Variants in ATG13 observed in about 807,000 individuals in gnomAD.
ATG13 encodes the protein autophagy related 13.
A neutral mutation model predicts 65.5 loss-of-function variants in ATG13; 23 were observed. That is an observed-to-expected ratio of 0.35 (90% CI 0.25 to 0.50). The LOEUF is 0.50. Among genes scored for constraint, ATG13 ranks in the 20% least tolerant of loss-of-function variants. The probability of loss-of-function intolerance (pLI) is 0.98; values close to 1 mark genes in which losing one functional copy is unlikely to be tolerated. For missense variants in ATG13, 566 were observed against 677.0 expected (o/e 0.84, Z 1.82); for synonymous variants, 252 against 245.2 (o/e 1.03, Z -0.26).
At chr11:46,671,835 C>T (rs2063798661) in intron 18 of ATG13, among the ~76,000 whole-genome samples, 1 of 152,236 alleles carries the variant, frequency 6.6e-6, no homozygotes, top group Non-Finnish European at 1.5e-5. Flanking sequence ...ACCTGGTTCA[C>T]ATTCCCCCCA....
At chr11:46,645,632 A>C (rs2136291592) in intron 4 of ATG13, among the ~76,000 whole-genome samples, 1 of 152,340 alleles carries the variant, frequency 6.6e-6, no homozygotes, top group East Asian at 1.9e-4. Flanking sequence ...ATAGATGAAA[A>C]GCTTAGTCCT....
chr11:46,625,488 T>A (rs993167588), intron 1 of ATG13: 1 of 152,094 alleles, frequency 6.6e-6, no homozygotes, highest in Non-Finnish European at 1.5e-5. Context: ...GATCTTGAAC[T>A]CCTGAGCTCA....
chr11:46,665,080 CTT>C (rs2062004443), intron 13 of ATG13, 121 bp downstream of exon 13: 1 of 1,041,300 alleles, frequency 9.6e-7, no homozygotes, highest in East Asian at 2.4e-5. Context: ...AAGCAAAACT[CTT>C]TCGTGACTTC....
chr11:46,650,038 T>G (rs2058586668), intron 6 of ATG13, 139 bp from the exon 7 acceptor site: 2 of 889,678 alleles, frequency 2.2e-6, no homozygotes, highest in South Asian at 5.7e-5. Flanking sequence ...AGTAAAACAT[T>G]GGCTTACCTC....
intron 11 of ATG13, chr11:46,660,149 C>T (rs919957152): frequency 1.8e-4 from 28 of 152,390 alleles, no homozygotes; most frequent in African/African-American, 6.5e-4. Context: ...TGCTGGGGCA[C>T]ATTTCTTGCC....
At chr11:46,632,234 A>G (rs888700152) in intron 2 of ATG13, 1 of 152,234 alleles carries the variant, frequency 6.6e-6, no homozygotes, top group Admixed American at 6.5e-5. Context: ...GTGACATGAT[A>G]AATTTAATCA....
Position 46,665,444 on chromosome 11 carries a change from C to G in ATG13, c.1061C>G (p.Thr354Ser), listed in dbSNP as rs779166200. The G allele has an allele frequency of 1.9e-6, 3 of 1,614,072 alleles. No homozygotes were observed. The Admixed American group carries it at 5.0e-5, about 27-fold the overall frequency. The change falls in exon 14 of 19, where the codon ACC becomes AGC. Residue 354 changes from threonine to serine, a missense_variant. This residue lies in a region of ATG13 where 387 missense variants were observed against 409.8 expected (regional missense o/e 0.94). Transcript: ENST00000683050. ...GCTCCCAACCAGCCTGTCCATGGTACCCAGGCTGACCAGGAGAGACTGGCA... is the reference window on the plus strand; with the variant it reads ...GCTCCCAACCAGCCTGTCCATGGTAGCCAGGCTGACCAGGAGAGACTGGCA... ...PLAPNQPVHG[T>S]QADQERLATC...
intron 15 of ATG13, 43 bp downstream of exon 15, chr11:46,667,930 T>C: frequency 1.3e-6 from 2 of 1,491,972 alleles, no homozygotes; most frequent in Non-Finnish European, 1.9e-6. Context: ...GTCTGAGTTC[T>C]TAGAGTAAGG....
chr11:46,656,973 T>C (rs2060175050), intron 8 of ATG13, 122 bp from the exon 9 acceptor site: 2 of 806,352 alleles, frequency 2.5e-6, no homozygotes, highest in South Asian at 1.4e-5. Flanking sequence ...CTGCTGCACT[T>C]AACATGCTAA....
chr11:46,645,508 A>G, intron 4 of ATG13, 89 bp downstream of exon 4: 1 of 1,062,730 alleles, frequency 9.4e-7, no homozygotes, highest in Non-Finnish European at 1.4e-6. Flanking sequence ...AAGTAATACC[A>G]TTTATAGTAT....
At chr11:46,620,365 G>A (rs1290810826) in intron 1 of ATG13, among the ~76,000 whole-genome samples, 1 of 151,664 alleles carries the variant, frequency 6.6e-6, no homozygotes, top group African/African-American at 2.4e-5. Flanking sequence ...AAAGTGCTGG[G>A]ATTACAGGCG....
rs2063959947 is a variant in ATG13 at position 46,672,360 on chromosome 11, C to G, written c.*28C>G. The G allele has an allele frequency of 6.2e-7, 1 of 1,614,130 alleles. No individual in the cohort carries two copies. The highest frequency in any genetic ancestry group is 8.5e-7 in the Non-Finnish European group (1 of 1,179,948). ...GTATCCTTGAGTCCCAGCAGCACCC[C>G]CTTTTTGTGGCCCCAGGGCATAAGC... On this transcript the variant is annotated 3_prime_UTR_variant, in exon 19 of 19. Transcript: ENST00000683050.
chr11:46,668,254 G>A (rs566851909), intron 15 of ATG13, among the ~76,000 whole-genome samples: 60 of 152,310 alleles, frequency 3.9e-4, no homozygotes, highest in African/African-American at 1.4e-3. Flanking sequence ...TGTGGATCAG[G>A]CTTCCAAAGC....
In ATG13 at chr11:46,669,541, A is replaced by C. The variant is rs1384337165; in HGVS notation, c.1575+9A>C. 1 of 1,613,568 alleles carries C rather than the reference A, an allele frequency of 6.2e-7. No individual in the cohort carries two copies. Among genetic ancestry groups the C allele is most frequent in the East Asian group, 2.2e-5 (1 of 44,878 alleles). ...CCATGGCTGAAGACTTGGTATGGAA[A>C]CGTCTTCCTCTACCACAGTGCATCC... On this transcript the variant is annotated intron_variant, in intron 18 of 18. Transcript: ENST00000683050.
chr11:46,645,125 C>G (rs1032390851), intron 3 of ATG13, among the ~76,000 whole-genome samples: 1 of 152,206 alleles, frequency 6.6e-6, no homozygotes, highest in African/African-American at 2.4e-5. Flanking sequence ...TTGGTTGACA[C>G]TGTACCCTCA....
chr11:46,649,838 AT>A (rs1222355507), intron 6 of ATG13, among the ~76,000 whole-genome samples: 5 of 152,222 alleles, frequency 3.3e-5, no homozygotes, highest in African/African-American at 1.2e-4. Flanking sequence ...CTTCTGTTAG[AT>A]TATCGAGATA....
intron 11 of ATG13, among the ~76,000 whole-genome samples, chr11:46,661,577 C>T (rs2061236178): frequency 1.3e-5 from 2 of 151,714 alleles, no homozygotes; most frequent in Admixed American, 1.3e-4. Flanking sequence ...CCTGTAGTCC[C>T]AGCCCTTAGG....
At chr11:46,619,092 C>A (rs1352818780) in intron 1 of ATG13, among the ~76,000 whole-genome samples, 1 of 152,118 alleles carries the variant, frequency 6.6e-6, no homozygotes, top group Non-Finnish European at 1.5e-5. Flanking sequence ...CATAAACCGT[C>A]ATTTTTCCTG....
intron 18 of ATG13, among the ~76,000 whole-genome samples, chr11:46,669,740 C>T (rs1034567291): frequency 8.5e-5 from 13 of 152,204 alleles, no homozygotes; most frequent in African/African-American, 3.1e-4. Flanking sequence ...TCTTTCTCTG[C>T]ACATTCTCAG....
Sources: gnomAD v4.1 joint callset for allele counts (sites outside exome capture counted in the v4.1 genomes callset) on GRCh38, gnomAD v4.1.1 for gene constraint, gnomAD v4.1.1 regional missense constraint, MANE v1.5 for transcripts, NCBI Gene and HGNC (gene_info 2026-07-23, HGNC 2026-07-21) for gene names.